The following RNF20 variants were observed in gnomAD, a reference collection of about 807,000 sequenced individuals.
RNF20 encodes the protein ring finger protein 20.
RNF20 carries 84 observed loss-of-function variants against 126.2 expected under a neutral mutation model. That is an observed-to-expected ratio of 0.67 (90% CI 0.56 to 0.80). The LOEUF is 0.80. RNF20 is among the 30% of genes least tolerant of loss of function. The pLI, the probability that RNF20 is intolerant of heterozygous loss-of-function variation, is 0.00. For synonymous variants in RNF20, 400 were observed against 414.3 expected (o/e 0.97, Z 0.42); for missense variants, 869 against 1,188.2 (o/e 0.73, Z 3.95).
At chr9:101,540,019 C>T (rs533496461) in intron 2 of RNF20, among the ~76,000 whole-genome samples, 184 bp from the exon 3 acceptor site, 3 of 152,318 alleles carry the variant, frequency 2.0e-5, no homozygotes, top group South Asian at 2.1e-4. Context: ...ATTCTTTCCT[C>T]ACACCATCAT....
At chr9:101,553,416 C>CT (rs1330185143) in intron 13 of RNF20, among the ~76,000 whole-genome samples, 3 of 152,144 alleles carry the variant, frequency 2.0e-5, no homozygotes, top group Non-Finnish European at 4.4e-5. Context: ...TGCTTGAACT[C>CT]TTTTGGTATA....
Position 101,552,530 on chromosome 9 carries a change from A to C in RNF20, c.1678A>C (p.Ile560Leu). ...SKASQEDANE[I>L]KSKRDEEERE... ...GGCATCTCAGGAGGATGCCAATGAA[A>C]TCAAGTCTAAACGGGATGAAGAAGA... The change falls in exon 13 of 20, where the codon ATC (isoleucine) becomes CTC (leucine). Residue 560 changes from isoleucine (I) to leucine (L), a missense_variant. Ile to Leu is a conservative substitution (Grantham distance 5, BLOSUM62 2). This residue lies in a region of RNF20 where 231 missense variants were observed against 263.6 expected (regional missense o/e 0.88). Coordinates refer to ENST00000389120, the MANE Select transcript of RNF20 (RefSeq NM_019592.7). 6.2e-7 allele frequency: 1 copy of C among 1,614,060 alleles called. No individual in the cohort carries two copies. The highest frequency in any genetic ancestry group is 8.5e-7 in the Non-Finnish European group (1 of 1,179,974).
Position 101,552,590 on chromosome 9 carries a change from C to A in RNF20, c.1738C>A (p.Arg580=), listed in dbSNP as rs764144283. 4 of 1,584,190 alleles carry A rather than the reference C, an allele frequency of 2.5e-6. No homozygotes were observed. Among genetic ancestry groups the A allele is most frequent in the Non-Finnish European group, 3.5e-6 (4 of 1,153,618 alleles). The change falls in exon 13 of 20, where the codon CGA becomes AGA. Residue 580 remains arginine (R), a synonymous_variant. Transcript: ENST00000389120. ...ERERREKERE[R]EREREKEKER... Reference sequence around the variant, plus strand: ...AGAAAGGAGGGAGAAGGAGAGGGAACGAGAAAGAGAACGGGAGAAGGAGAA... The same window carrying A: ...AGAAAGGAGGGAGAAGGAGAGGGAAAGAGAAAGAGAACGGGAGAAGGAGAA...
At chr9:101,547,983 A>G (rs1177038329) in intron 9 of RNF20, among the ~76,000 whole-genome samples, 1 of 152,236 alleles carries the variant, frequency 6.6e-6, no homozygotes, top group African/African-American at 2.4e-5. Flanking sequence ...AGGCTACAGA[A>G]TCAACATACA....
intron 1 of RNF20, among the ~76,000 whole-genome samples, chr9:101,534,500 G>A (rs1205716975): frequency 1.3e-5 from 2 of 152,196 alleles, no homozygotes; most frequent in Non-Finnish European, 2.9e-5. Flanking sequence ...AAACGTTAAA[G>A]AAGAGCTGGG....
rs1564111419 is a variant in RNF20, at chr9:101,554,125, C to T, written c.2019+20C>T. ...GCAGAGGTATTCTAGTCTGCTATTA[C>T]CTGTCCTTCTGGTTAAAATCTTCAT... is the stretch of plus-strand genomic sequence containing the variant. On this transcript the variant is annotated intron_variant, in intron 14 of 19. Coordinates refer to ENST00000389120, the MANE Select transcript of RNF20 (RefSeq NM_019592.7). The T allele has an allele frequency of 7.6e-7, 1 of 1,322,348 alleles. No homozygotes were observed. 81.9% of individuals were successfully genotyped at this position (1,322,348 alleles called of 1,614,324 possible). A position where few individuals can be genotyped will look rare whatever the true frequency, so the allele number is the denominator to read the frequency against.
chr9:101,552,903 AC>A (rs1827473397), intron 13 of RNF20, 150 bp downstream of exon 13: 6 of 804,446 alleles, frequency 7.5e-6, no homozygotes, highest in Non-Finnish European at 1.2e-5. Context: ...GTTCAAGTGC[AC>A]AGCCAAAATG....
Position 101,546,815 on chromosome 9 carries a change from T to G in RNF20, c.748-5T>G. ...TGTTTCTGAATGTTTGTCTTTGGGA[T>G]GTAGTTCTCCAAGTTGCAGAGTAAA... On this transcript the variant is annotated splice_polypyrimidine_tract_variant and splice_region_variant and intron_variant, in intron 6 of 19. Transcript: ENST00000389120. 6.2e-7 allele frequency: 1 copy of G among 1,614,114 alleles called. No individual in the cohort carries two copies. The highest frequency in any genetic ancestry group is 8.5e-7 in the Non-Finnish European group (1 of 1,179,966).
In RNF20 at chr9:101,551,831, C is replaced by T. The variant is rs1163641683; in HGVS notation, c.1408+12C>T. The T allele has an allele frequency of 6.3e-7, 1 of 1,599,006 alleles. No individual in the cohort carries two copies. Among genetic ancestry groups the T allele is most frequent in the Admixed American group, 1.8e-5 (1 of 56,790 alleles). Reference sequence around the variant, plus strand: ...CAATGAACAAGCAGGTATAATGATTCTCACTCCATGCTGTAGTTTGCTCTT... The same window carrying T: ...CAATGAACAAGCAGGTATAATGATTTTCACTCCATGCTGTAGTTTGCTCTT... On this transcript the variant is annotated intron_variant, in intron 11 of 19. Transcript: ENST00000389120.
At chr9:101,552,076 C>G in intron 11 of RNF20, 65 bp from the exon 12 acceptor site, 1 of 1,601,416 alleles carries the variant, frequency 6.2e-7, no homozygotes. Context: ...GTGTTCTGTT[C>G]TTTCTCTCCT....
At chr9:101,562,164 C>A in intron 19 of RNF20, 82 bp from the exon 20 acceptor site, 1 of 1,456,300 alleles carries the variant, frequency 6.9e-7, no homozygotes, top group South Asian at 1.3e-5. Context: ...TGTGGGTTTT[C>A]TTCTTGGTTG....
intron 5 of RNF20, among the ~76,000 whole-genome samples, chr9:101,541,346 G>A (rs896221387): frequency 3.9e-5 from 6 of 152,214 alleles, no homozygotes; most frequent in Non-Finnish European, 8.8e-5. Flanking sequence ...AGGATTACAG[G>A]CATGAGCCAC....
chr9:101,544,704 CT>C, intron 5 of RNF20, 62 bp from the exon 6 acceptor site: 1 of 1,041,070 alleles, frequency 9.6e-7, no homozygotes, highest in Non-Finnish European at 1.5e-6. Flanking sequence ...AAGACTCCGT[CT>C]TAAAAAAAAA....
At chr9:101,539,869 G>A (rs1042612668) in intron 2 of RNF20, among the ~76,000 whole-genome samples, 1 of 151,962 alleles carries the variant, frequency 6.6e-6, no homozygotes, top group Admixed American at 6.6e-5. Flanking sequence ...GAAGGATGGT[G>A]CTTACGAGAT....
At chr9:101,546,344 C>T (rs1827347365) in intron 6 of RNF20, among the ~76,000 whole-genome samples, 2 of 152,080 alleles carry the variant, frequency 1.3e-5, no homozygotes, top group South Asian at 2.1e-4. Context: ...CTAGATTGCT[C>T]TGGGGTGAGC....
chr9:101,544,621 G>A (rs1196630668), intron 5 of RNF20, 146 bp from the exon 6 acceptor site: 16 of 544,690 alleles, frequency 2.9e-5, no homozygotes, highest in East Asian at 2.9e-4. Flanking sequence ...CAGGAGAATC[G>A]GCTCGAACCC....
rs781578310 is a variant in RNF20 at position 101,562,016 on chromosome 9, G to GA, written c.2751+11dup. ...GAAGAGATTAAGGATTACAAGGTTA[G>GA]AAAAAATGCCTTAGTGATTAGTTTT... On this transcript the variant is annotated splice_donor_region_variant and intron_variant, in intron 19 of 19. Transcript: ENST00000389120. 9 of 1,583,790 alleles carry GA rather than the reference G, an allele frequency of 5.7e-6. No individual in the cohort carries two copies. Among genetic ancestry groups the GA allele is most frequent in the African/African-American group, 1.4e-5 (1 of 73,508 alleles).
chr9:101,558,472 G>C (rs1002930048), intron 16 of RNF20, among the ~76,000 whole-genome samples: 9 of 152,072 alleles, frequency 5.9e-5, no homozygotes, highest in Non-Finnish European at 2.9e-5. Flanking sequence ...GTTCATTAAG[G>C]ACTCTCCATA....
chr9:101,546,453 A>G (rs2118697752), intron 6 of RNF20, among the ~76,000 whole-genome samples: 1 of 152,244 alleles, frequency 6.6e-6, no homozygotes, highest in South Asian at 2.1e-4. Context: ...GTTTTTTTGA[A>G]AAAATATTTA....
Sources: allele counts gnomAD v4.1 joint callset (sites outside exome capture counted in the v4.1 genomes callset), GRCh38; gene constraint gnomAD v4.1.1; regional missense constraint gnomAD v4.1.1; transcripts MANE v1.5; gene names NCBI Gene and HGNC (gene_info 2026-07-23, HGNC 2026-07-21).